LRP1B: variants seen among roughly 807,000 people sequenced by gnomAD.
The protein encoded by LRP1B is low-density lipoprotein receptor-related protein 1B.
A neutral mutation model predicts 556.6 loss-of-function variants in LRP1B; 217 were observed. That is an observed-to-expected ratio of 0.39 (90% CI 0.35 to 0.44). The LOEUF (loss-of-function observed/expected upper bound fraction) is 0.44, where lower values mean the gene tolerates loss of function less well. LRP1B is among the 20% of genes least tolerant of loss of function. LRP1B has a pLI of 1.00. For missense variants in LRP1B, 5,053 were observed against 5,620.8 expected, an observed-to-expected ratio of 0.90 and a Z score of 3.23; for synonymous variants, 2,047 against 1,865.8, an observed-to-expected ratio of 1.10 and a Z score of -2.50.
At chr2:140,928,111 G>C (rs1694940466) in intron 20 of LRP1B, among the ~76,000 whole-genome samples, 1 of 151,970 alleles carries the variant, frequency 6.6e-6, no homozygotes, top group Non-Finnish European at 1.5e-5. Context: ...TCAGAGTCTA[G>C]AGTGTTCACC....
chr2:140,536,189 A>G (rs1690958000), intron 46 of LRP1B, among the ~76,000 whole-genome samples: 2 of 151,806 alleles, frequency 1.3e-5, no homozygotes. Flanking sequence ...CAGAATGTGA[A>G]TATTTTTATT....
In LRP1B at chr2:140,526,272, A is replaced by G; in HGVS notation, c.7841T>C (p.Ile2614Thr). The G allele has an allele frequency of 6.2e-7, 1 of 1,611,982 alleles. No individual in the cohort carries two copies. The highest frequency in any genetic ancestry group is 8.5e-7 in the Non-Finnish European group (1 of 1,178,626). ...IPRSARCNQN[I>T]DCADASDEKN... ...TTCATCTGAAGCATCTGCACAATCTATGTTCTGGTTGCATCGTGCTGATCT... is the reference window on the plus strand; with the variant it reads ...TTCATCTGAAGCATCTGCACAATCTGTGTTCTGGTTGCATCGTGCTGATCT... The change falls in exon 48 of 91, where the codon ATA becomes ACA. Residue 2614 changes from isoleucine (I) to threonine (T), a missense_variant. Ile to Thr is a moderately conservative substitution (Grantham distance 89, BLOSUM62 -1). This residue lies in a region of LRP1B where 3,619 missense variants were observed against 3,931.9 expected (regional missense o/e 0.92). Coordinates refer to ENST00000389484, the MANE Select transcript of LRP1B (RefSeq NM_018557.3).
chr2:140,350,110 T>C (rs752965426), intron 77 of LRP1B, among the ~76,000 whole-genome samples: 2 of 152,066 alleles, frequency 1.3e-5, no homozygotes, highest in Non-Finnish European at 2.9e-5. Flanking sequence ...TAAAAACACA[T>C]ATTTATCTGT....
intron 7 of LRP1B, among the ~76,000 whole-genome samples, chr2:141,120,287 T>C (rs1314608364): frequency 6.6e-6 from 1 of 151,956 alleles, no homozygotes; most frequent in Non-Finnish European, 1.5e-5. Flanking sequence ...TTGTTGAGAA[T>C]TTAATAGAAA....
At chr2:141,454,343 C>A (rs562570159) in intron 3 of LRP1B, among the ~76,000 whole-genome samples, 1 of 152,246 alleles carries the variant, frequency 6.6e-6, no homozygotes, top group South Asian at 2.1e-4. Flanking sequence ...AAGTTTCCCT[C>A]CTGAGTGAGT....
chr2:142,093,606 A>G (rs1706253287), intron 1 of LRP1B, among the ~76,000 whole-genome samples: 1 of 152,134 alleles, frequency 6.6e-6, no homozygotes, highest in Non-Finnish European at 1.5e-5. Context: ...CAGTGGACAC[A>G]GAAGAAGCCA....
chr2:141,490,359 T>A (rs944239908), intron 2 of LRP1B, among the ~76,000 whole-genome samples: 1 of 93,724 alleles, frequency 1.1e-5, no homozygotes, highest in Middle Eastern at 5.6e-3. Context: ...ATTGTCATGT[T>A]AAAATAGCCT....
At chr2:142,086,636 C>CAAACA (rs1247136537) in intron 1 of LRP1B, among the ~76,000 whole-genome samples, 1 of 48,114 alleles carries the variant, frequency 2.1e-5, no homozygotes, top group Non-Finnish European at 5.2e-5. Flanking sequence ...AACAAACAAA[C>CAAACA]AAACAAAAAA....
chr2:141,676,275 C>T (rs536786869), intron 2 of LRP1B, among the ~76,000 whole-genome samples: 20 of 152,128 alleles, frequency 1.3e-4, no homozygotes, highest in Admixed American at 3.3e-4. Flanking sequence ...GTGACCATTA[C>T]GTAGTCAAAA....
intron 7 of LRP1B, among the ~76,000 whole-genome samples, chr2:141,179,214 T>C (rs1465175383): frequency 6.6e-6 from 1 of 151,992 alleles, no homozygotes; most frequent in African/African-American, 2.4e-5. Context: ...ATTGTAGAGC[T>C]CCAAACACTT....
intron 1 of LRP1B, among the ~76,000 whole-genome samples, chr2:141,948,512 C>T (rs1013490898): frequency 2.0e-4 from 31 of 151,848 alleles, no homozygotes; most frequent in African/African-American, 7.5e-4. Flanking sequence ...GCAAAGCATA[C>T]CTTTTCTTCA....
chr2:141,474,114 C>G, intron 3 of LRP1B, among the ~76,000 whole-genome samples: 1 of 149,066 alleles, frequency 6.7e-6, no homozygotes, highest in Non-Finnish European at 1.5e-5. Context: ...TTCCTTTCCT[C>G]TCTCCCTTCC....
intron 2 of LRP1B, among the ~76,000 whole-genome samples, chr2:141,634,037 C>CT (rs34852727): frequency 0.031 from 4,551 of 148,826 alleles, 149 homozygotes; most frequent in South Asian, 0.14. Flanking sequence ...GCAATGCTTT[C>CT]TTTTTTTTTT....
intron 4 of LRP1B, among the ~76,000 whole-genome samples, chr2:141,252,793 C>G (rs437094): frequency 0.21 from 32,625 of 151,948 alleles, 3,593 homozygotes; most frequent in South Asian, 0.25. Flanking sequence ...CCTTTAAAGA[C>G]AGAGGGCTAC....
intron 27 of LRP1B, among the ~76,000 whole-genome samples, chr2:140,861,592 A>T (rs1228938265): frequency 6.6e-6 from 1 of 152,216 alleles, no homozygotes. Flanking sequence ...GCTGATTGCT[A>T]TGAAGGTATT....
At chr2:141,137,906 G>A (rs1701529341) in intron 7 of LRP1B, among the ~76,000 whole-genome samples, 1 of 150,986 alleles carries the variant, frequency 6.6e-6, no homozygotes, top group African/African-American at 2.4e-5. Flanking sequence ...TTTGAAAGGT[G>A]TAGTACCAAG....
At chr2:140,625,616 T>C (rs1683628819) in intron 41 of LRP1B, among the ~76,000 whole-genome samples, 1 of 152,042 alleles carries the variant, frequency 6.6e-6, no homozygotes, top group South Asian at 2.1e-4. Flanking sequence ...AGATAGTAAA[T>C]AAGCATATGA....
In LRP1B at chr2:140,716,872, T is replaced by C. The variant is rs527525536; in HGVS notation, c.5759-56A>G. On this transcript the variant is annotated intron_variant, in intron 35 of 90. Coordinates refer to ENST00000389484, the MANE Select transcript of LRP1B (RefSeq NM_018557.3). The stretch of plus-strand genomic sequence containing the variant: ...ATACACACACTGTAAAAGGTATCAA[T>C]ATCGGTGTTAGGATCATATTGCAAC... 8.4e-6 allele frequency: 9 copies of C among 1,067,866 alleles called. No individual in the cohort carries two copies. The South Asian group carries it at 1.3e-4, about 16-fold the overall frequency. The allele number at this position is 1,067,866 out of a possible 1,614,324, so 66.1% of individuals were successfully genotyped here.
At chr2:140,251,312 ATAG>A (rs1558926199) in intron 86 of LRP1B, among the ~76,000 whole-genome samples, 1 of 151,824 alleles carries the variant, frequency 6.6e-6, no homozygotes, top group Non-Finnish European at 1.5e-5. Flanking sequence ...TAACTCTGAA[ATAG>A]TAATTATTAC....
Sources: allele counts gnomAD v4.1 joint callset (sites outside exome capture counted in the v4.1 genomes callset), GRCh38; gene constraint gnomAD v4.1.1; regional missense constraint gnomAD v4.1.1; transcripts MANE v1.5; gene names NCBI Gene and HGNC (gene_info 2026-07-23, HGNC 2026-07-21).